PRKG1: variants seen among roughly 807,000 people sequenced by gnomAD.
PRKG1 encodes protein kinase cGMP-dependent 1, also known as cGMP-dependent protein kinase 1.
PRKG1 carries 35 observed loss-of-function variants against 88.1 expected under a neutral mutation model. The ratio of observed to expected loss-of-function variants is 0.40; its 90% confidence interval spans 0.30 to 0.53. The LOEUF is 0.53. PRKG1 is among the 20% of genes least tolerant of loss of function. PRKG1 has a pLI of 0.59. For synonymous variants in PRKG1, 303 were observed against 292.5 expected (o/e 1.04, Z -0.37); for missense variants, 540 against 839.8 (o/e 0.64, Z 4.41).
At chr10:51,697,961 C>T (rs1481311876) in intron 3 of PRKG1, 3 of 1,601,218 alleles carry the variant, frequency 1.9e-6, no homozygotes, top group East Asian at 4.5e-5. Context: ...TATGCCTGCC[C>T]CCTGCATCCC....
At chr10:51,296,478 C>T (rs1326809629) in intron 2 of PRKG1, among the ~76,000 whole-genome samples, 1 of 152,028 alleles carries the variant, frequency 6.6e-6, no homozygotes, top group Non-Finnish European at 1.5e-5. Flanking sequence ...TAATTGTTCA[C>T]AATAGTCCCT....
At position 52,231,722 on chromosome 10, in the gene PRKG1, C is replaced by T. The variant is rs376987510; in HGVS notation, c.1077-19848C>T. Among the ~76,000 whole-genome samples the T allele has an allele frequency of 1.2e-4, 18 of 152,240 alleles. No individual in the cohort carries two copies. In the South Asian group the frequency reaches 3.5e-3, roughly 30 times the overall value. ...CCTGTATACAAATGTATTTCCTAAA[C>T]GCACATGAGAATATATGTTAGCAGC... On this transcript the variant is annotated intron_variant, in intron 9 of 17. Transcript: ENST00000373980.
In PRKG1 at chr10:52,170,133, G is replaced by C. The variant is rs186500710; in HGVS notation, c.1076+8170G>C. On this transcript the variant is annotated intron_variant, in intron 9 of 17. Transcript: ENST00000373980. The stretch of plus-strand genomic sequence containing the variant: ...ATAAAAAGGTTTTCTTAATATTGTA[G>C]TATAAATTTGTCCATAAACTATTTT... 1.0e-3 allele frequency among the ~76,000 whole-genome samples: 152 copies of C among 152,242 alleles called. 3 individuals carry two copies. The highest frequency in any genetic ancestry group is 1.0e-4 in the Non-Finnish European group (7 of 68,022).
At chr10:51,013,785 A>C (rs983224186) in intron 1 of PRKG1, among the ~76,000 whole-genome samples, 6 of 152,226 alleles carry the variant, frequency 3.9e-5, no homozygotes, top group African/African-American at 1.4e-4. Context: ...ATCTACAGCA[A>C]AACAAGTTAA....
intron 1 of PRKG1, among the ~76,000 whole-genome samples, chr10:51,141,497 G>A (rs1447775928): frequency 6.6e-6 from 1 of 152,150 alleles, no homozygotes; most frequent in East Asian, 1.9e-4. Context: ...GATAATTATA[G>A]TTGTGTTTTA....
chr10:51,334,999 CTTTT>C (rs918622780), intron 2 of PRKG1, among the ~76,000 whole-genome samples: 1 of 78,746 alleles, frequency 1.3e-5, no homozygotes, highest in African/African-American at 5.1e-5. Context: ...TGTCAGGTTT[CTTTT>C]TTTTTTTTTT....
At chr10:51,072,088 C>T (rs1282810866), upstream of PRKG1, among the ~76,000 whole-genome samples, 3 of 151,846 alleles carry the variant, frequency 2.0e-5, no homozygotes, top group East Asian at 1.9e-4. Flanking sequence ...CCAGCTACTC[C>T]GGAGGCTGAG....
At chr10:51,568,244 A>G (rs1405627404) in intron 3 of PRKG1, among the ~76,000 whole-genome samples, 1 of 152,068 alleles carries the variant, frequency 6.6e-6, no homozygotes, top group Non-Finnish European at 1.5e-5. Context: ...TTTTATTGGC[A>G]GATTTTTCGG....
At chr10:52,154,606 AAC>A (rs766220609) in intron 8 of PRKG1, among the ~76,000 whole-genome samples, 1 of 152,174 alleles carries the variant, frequency 6.6e-6, no homozygotes, top group Non-Finnish European at 1.5e-5. Flanking sequence ...TTCTTTTTAA[AAC>A]AGTGTTTCTC....
At chr10:51,052,018 A>T (rs952850962) in intron 1 of PRKG1, among the ~76,000 whole-genome samples, 8 of 152,288 alleles carry the variant, frequency 5.3e-5, no homozygotes, top group African/African-American at 1.7e-4. Context: ...AAGATAAAGG[A>T]CTTATTGAAT....
chr10:51,545,730 T>C (rs1842429197), intron 3 of PRKG1, among the ~76,000 whole-genome samples: 1 of 152,136 alleles, frequency 6.6e-6, no homozygotes, highest in African/African-American at 2.4e-5. Flanking sequence ...AGTTTCTTTA[T>C]AGCTAGCTTT....
chr10:52,051,481 A>G lies in PRKG1; in HGVS notation c.763-3003A>G, dbSNP rs114893041. Among the ~76,000 whole-genome samples, 846 of 152,300 alleles carry G rather than the reference A, an allele frequency of 5.6e-3. 10 individuals carry two copies. The highest frequency in any genetic ancestry group is 0.019 in the African/African-American group (805 of 41,566). ...CTCACACGTATAGCCCTGTACTTAT[A>G]TACAGGAAAGCATTCTGCAAGCTGG... On this transcript the variant is annotated intron_variant, in intron 5 of 17. Coordinates refer to ENST00000373980, the MANE Select transcript of PRKG1 (RefSeq NM_006258.4).
chr10:51,466,697 A>C (rs954296748), intron 2 of PRKG1, among the ~76,000 whole-genome samples: 2 of 152,096 alleles, frequency 1.3e-5, no homozygotes, highest in Non-Finnish European at 2.9e-5. Flanking sequence ...GGAAGGAGTG[A>C]ATTTAATGTC....
chr10:51,910,596 G>A (rs1299638902), intron 5 of PRKG1: 1 of 152,164 alleles, frequency 6.6e-6, no homozygotes, highest in Admixed American at 6.5e-5. Flanking sequence ...GTCAAGCAGA[G>A]GGGAATATTA....
chr10:51,250,568 A>G (rs1338532199), intron 2 of PRKG1, among the ~76,000 whole-genome samples: 2 of 151,794 alleles, frequency 1.3e-5, no homozygotes, highest in Admixed American at 1.3e-4. Flanking sequence ...AAGGAGGTTC[A>G]CTGGAATTCA....
At chr10:51,718,665 G>A (rs537854755) in intron 3 of PRKG1, among the ~76,000 whole-genome samples, 2 of 152,252 alleles carry the variant, frequency 1.3e-5, no homozygotes, top group South Asian at 4.2e-4. Flanking sequence ...CTTTCTTACA[G>A]ATAAACTCCT....
intron 2 of PRKG1, among the ~76,000 whole-genome samples, chr10:51,338,490 G>C (rs1473169800): frequency 6.6e-6 from 1 of 152,150 alleles, no homozygotes; most frequent in East Asian, 1.9e-4. Context: ...GTAGGAGGGA[G>C]GAAGTGGAAA....
In PRKG1 at chr10:51,822,785, C is replaced by A. The variant is rs60009863; in HGVS notation, c.698+18095C>A. On this transcript the variant is annotated intron_variant, in intron 4 of 17. Transcript: ENST00000373980. Reference sequence around the variant, plus strand: ...GTTTCCCTTGTGTGGTGCATCAGGGCAGTGCACCCTGCCCAGGGGACAACT... The same window carrying A: ...GTTTCCCTTGTGTGGTGCATCAGGGAAGTGCACCCTGCCCAGGGGACAACT... Among the ~76,000 whole-genome samples the A allele has an allele frequency of 5.4e-3, 826 of 152,222 alleles. 9 individuals are homozygous for A. The highest frequency in any genetic ancestry group is 0.016 in the African/African-American group (672 of 41,542).
intron 2 of PRKG1, among the ~76,000 whole-genome samples, chr10:51,317,735 C>A (rs1223480935): frequency 6.6e-6 from 1 of 152,192 alleles, no homozygotes; most frequent in Non-Finnish European, 1.5e-5. Context: ...TGTCACCATG[C>A]TCTCAACAGC....
Sources: gnomAD v4.1 joint callset for allele counts (sites outside exome capture counted in the v4.1 genomes callset) on GRCh38, gnomAD v4.1.1 for gene constraint, MANE v1.5 for transcripts, NCBI Gene and HGNC (gene_info 2026-07-23, HGNC 2026-07-21) for gene names.